EVL: variants seen among roughly 807,000 people sequenced by gnomAD.
The protein encoded by EVL is ena/VASP-like protein.
A neutral mutation model predicts 59.6 loss-of-function variants in EVL; 21 were observed. That is an observed-to-expected ratio of 0.35 (90% CI 0.25 to 0.51). The LOEUF is 0.51. EVL is among the 20% of genes least tolerant of loss of function. The probability of loss-of-function intolerance (pLI) is 0.97; values close to 1 mark genes in which losing one functional copy is unlikely to be tolerated. For synonymous variants in EVL, 198 were observed against 203.5 expected (o/e 0.97, Z 0.23); for missense variants, 462 against 546.6 (o/e 0.85, Z 1.54).
At chr14:100,107,077 A>G in intron 3 of EVL, 1 of 398,716 alleles carries the variant, frequency 2.5e-6, no homozygotes, top group Non-Finnish European at 4.4e-6. Context: ...GGCCCGTGGC[A>G]GTTCACATGA....
intron 1 of EVL, among the ~76,000 whole-genome samples, chr14:99,985,364 G>C (rs2060833407): frequency 6.6e-6 from 1 of 152,068 alleles, no homozygotes; most frequent in African/African-American, 2.4e-5. Context: ...CTTATCTTCT[G>C]TTTTGGTTCT....
chr14:100,009,647 TGAA>T (rs1270438218), intron 1 of EVL, among the ~76,000 whole-genome samples: 7 of 152,244 alleles, frequency 4.6e-5, no homozygotes, highest in Admixed American at 3.3e-4. Context: ...TTGTTGTTGA[TGAA>T]GAGTCAAACT....
intron 4 of EVL, among the ~76,000 whole-genome samples, chr14:100,125,168 A>C (rs1306352712): frequency 3.4e-5 from 2 of 59,494 alleles, no homozygotes; most frequent in Non-Finnish European, 3.3e-5. Context: ...CAAGGCAGGA[A>C]TACACACACA....
intron 1 of EVL, among the ~76,000 whole-genome samples, chr14:100,076,861 A>G (rs2062173369): frequency 6.6e-6 from 1 of 152,150 alleles, no homozygotes; most frequent in African/African-American, 2.4e-5. Context: ...CAGAGCTGGG[A>G]TTATATTGCG....
intron 1 of EVL, among the ~76,000 whole-genome samples, chr14:100,008,933 G>A (rs1292872063): frequency 8.5e-5 from 13 of 152,144 alleles, no homozygotes. Flanking sequence ...AAAAAACACT[G>A]CTTTTTACAT....
Position 100,109,390 on chromosome 14 carries a change from C to T in EVL, c.358+11732C>T, listed in dbSNP as rs771162960. 8.3e-5 allele frequency: 30 copies of T among 361,502 alleles called. No individual in the cohort carries two copies. The highest frequency in any genetic ancestry group is 3.1e-4 in the South Asian group (15 of 48,558). The allele number at this position is 361,502 out of a possible 1,614,324, so 22.4% of individuals were successfully genotyped here. On this transcript the variant is annotated intron_variant, in intron 3 of 13. Transcript: ENST00000392920. This position sits in a 1 kb window ranked among gnomAD's most constrained non-coding sequence, Gnocchi z 4.3. ...ACCTCAGGCACCCCTTCCCAGTCCT[C>T]GCACACTGTTGGTGTCCCATTTGTT...
chr14:100,041,927 A>G lies in EVL; in HGVS notation c.6-42760A>G, dbSNP rs545776874. Among the ~76,000 whole-genome samples, 6 of 152,356 alleles carry G rather than the reference A, an allele frequency of 3.9e-5. No individual in the cohort carries two copies. The East Asian group carries it at 5.8e-4, about 15-fold the overall frequency. ...TTAATTGGAGAACAGAGAATAGTGA[A>G]TAGTTGTGCACTGATCTCTGAAGCC... On this transcript the variant is annotated intron_variant, in intron 1 of 13. Coordinates refer to the EVL transcript ENST00000402714.
chr14:100,107,043 A>C, intron 3 of EVL: 1 of 398,744 alleles, frequency 2.5e-6, no homozygotes, highest in Non-Finnish European at 4.4e-6. Context: ...CACCTCCTCC[A>C]TCAGCAGGTG....
At chr14:100,025,451 A>C (rs1401487506) in intron 1 of EVL, among the ~76,000 whole-genome samples, 3 of 152,094 alleles carry the variant, frequency 2.0e-5, no homozygotes, top group Non-Finnish European at 4.4e-5. Flanking sequence ...CTCTACTCAG[A>C]TGTTACCCTG....
At chr14:100,083,914 T>G (rs2140300458) in intron 1 of EVL, among the ~76,000 whole-genome samples, 1 of 152,316 alleles carries the variant, frequency 6.6e-6, no homozygotes, top group Non-Finnish European at 1.5e-5. Context: ...ACTGAATACG[T>G]GTATGAACTT....
intron 3 of EVL, among the ~76,000 whole-genome samples, chr14:100,105,425 T>C (rs6575763): frequency 0.72 from 109,616 of 151,744 alleles, 40,171 homozygotes; most frequent in African/African-American, 0.83. Flanking sequence ...ACTGTGTGAC[T>C]TCATCAGGTC....
intron 1 of EVL, among the ~76,000 whole-genome samples, chr14:100,056,086 A>G (rs1006261198): frequency 3.4e-4 from 51 of 152,156 alleles, no homozygotes; most frequent in African/African-American, 1.1e-3. Context: ...CTGGGATTAC[A>G]GGCGTGAGCC....
At position 100,116,090 on chromosome 14, in the gene EVL, A is replaced by G. The variant is rs112321234; in HGVS notation, c.359-7449A>G. Among the ~76,000 whole-genome samples the G allele has an allele frequency of 3.9e-4, 59 of 152,338 alleles. 1 individual carries two copies. Among genetic ancestry groups the G allele is most frequent in the African/African-American group, 1.4e-3 (59 of 41,588 alleles). On this transcript the variant is annotated intron_variant, in intron 3 of 13. Coordinates refer to ENST00000392920, the MANE Select transcript of EVL (RefSeq NM_016337.3). ...ATAGTGGCCAGACCAAGCTTAGCCC[A>G]GTTCACAGACTCCATTCTCGCTTAG...
intron 9 of EVL, chr14:100,137,216 C>T (rs1888854196): frequency 2.3e-5 from 7 of 301,086 alleles, no homozygotes; most frequent in Admixed American, 2.2e-4. Flanking sequence ...GGTGCCGGGC[C>T]GAGGGGCCTG....
At chr14:100,027,816 A>G (rs934780936) in intron 1 of EVL, among the ~76,000 whole-genome samples, 3 of 152,180 alleles carry the variant, frequency 2.0e-5, no homozygotes, top group Admixed American at 2.0e-4. Flanking sequence ...CTGGGATTAC[A>G]GGCATGCGCC....
At position 100,141,138 on chromosome 14, in the gene EVL, C is replaced by CCTGT. The variant is rs200614691; in HGVS notation, c.1095-39_1095-36dup. ...TCTGCACAGCCAGCTTTCCCCCACACCTGTCTCCAGCCAGGGCACCCACAG... is the reference window on the plus strand; with the variant it reads ...TCTGCACAGCCAGCTTTCCCCCACACCTGTCTGTCTCCAGCCAGGGCACCCACAG... On this transcript the variant is annotated intron_variant, in intron 11 of 13. Coordinates refer to ENST00000392920, the MANE Select transcript of EVL (RefSeq NM_016337.3). The CCTGT allele has an allele frequency of 4.0e-4, 646 of 1,604,602 alleles. 6 individuals carry two copies. In the East Asian group the frequency reaches 0.014, roughly 35 times the overall value.
At chr14:100,050,187 G>A (rs1397496196) in intron 1 of EVL, among the ~76,000 whole-genome samples, 1 of 152,124 alleles carries the variant, frequency 6.6e-6, no homozygotes, top group Admixed American at 6.6e-5. Flanking sequence ...GAAAGGAGCG[G>A]GGAAAGGAGA....
At chr14:99,976,400 C>T (rs920060353) in intron 1 of EVL, among the ~76,000 whole-genome samples, 2 of 152,088 alleles carry the variant, frequency 1.3e-5, no homozygotes, top group Non-Finnish European at 2.9e-5. Context: ...CCAAAATTAT[C>T]AGTCTTGTCT....
intron 3 of EVL, among the ~76,000 whole-genome samples, chr14:100,099,950 T>C (rs1211937075): frequency 6.7e-6 from 1 of 148,542 alleles, no homozygotes; most frequent in African/African-American, 2.5e-5. Context: ...GTGCTTTTTT[T>C]TTTTGCCCCC....
Sources: gnomAD v4.1 joint callset for allele counts (sites outside exome capture counted in the v4.1 genomes callset) on GRCh38, gnomAD v4.1.1 for gene constraint, Gnocchi (gnomAD v3.1) non-coding constraint, MANE v1.5 for transcripts, NCBI Gene and HGNC (gene_info 2026-07-23, HGNC 2026-07-21) for gene names.